The following CLSTN2 variants were observed in gnomAD, a reference collection of about 807,000 sequenced individuals.
CLSTN2 encodes the protein calsyntenin-2.
Under a neutral mutation model 101.2 loss-of-function variants are expected in CLSTN2, and 48 were observed. The ratio of observed to expected loss-of-function variants is 0.47; its 90% CI spans 0.38 to 0.60. The LOEUF is 0.60. Ranked by LOEUF, CLSTN2 falls within the 20% of genes least tolerant of loss-of-function variation. The pLI is 0.00. For synonymous variants in CLSTN2, 481 were observed against 463.6 expected (o/e 1.04, Z -0.48); for missense variants, 1,160 against 1,238.2 (o/e 0.94, Z 0.95).
At chr3:140,513,401 G>A (rs1934852928) in intron 8 of CLSTN2, among the ~76,000 whole-genome samples, 1 of 152,042 alleles carries the variant, frequency 6.6e-6, no homozygotes, top group African/African-American at 2.4e-5. Context: ...TTTATGTGAT[G>A]AATCACATTT....
chr3:140,346,079 A>T (rs2087543763), intron 2 of CLSTN2, among the ~76,000 whole-genome samples: 1 of 152,188 alleles, frequency 6.6e-6, no homozygotes, highest in Non-Finnish European at 1.5e-5. Context: ...AATATGAGAT[A>T]TGGCAGGGGG....
At chr3:140,143,568 C>T (rs148688014) in intron 1 of CLSTN2, among the ~76,000 whole-genome samples, 10 of 152,290 alleles carry the variant, frequency 6.6e-5, no homozygotes, top group South Asian at 2.1e-4. Flanking sequence ...TAATGGTTTA[C>T]GAGCTATCTG....
At chr3:139,992,706 G>C (rs909821120) in intron 1 of CLSTN2, among the ~76,000 whole-genome samples, 1 of 152,172 alleles carries the variant, frequency 6.6e-6, no homozygotes, top group South Asian at 2.1e-4. Context: ...ACATGGGAGT[G>C]TGAAACAAGA....
chr3:140,509,197 T>C (rs1301530756), intron 8 of CLSTN2, among the ~76,000 whole-genome samples: 1 of 152,190 alleles, frequency 6.6e-6, no homozygotes, highest in East Asian at 1.9e-4. Flanking sequence ...GTCCCTGAGA[T>C]AGCCATAGGT....
chr3:140,230,796 G>A (rs937544124), intron 2 of CLSTN2, among the ~76,000 whole-genome samples: 1 of 152,122 alleles, frequency 6.6e-6, no homozygotes, highest in Non-Finnish European at 1.5e-5. Flanking sequence ...CACCACCTTT[G>A]GACATCATAT....
chr3:140,171,880 A>G (rs1233726078), intron 1 of CLSTN2, among the ~76,000 whole-genome samples: 40 of 122,346 alleles, frequency 3.3e-4, no homozygotes, highest in Non-Finnish European at 6.3e-4. Context: ...TATATAATAT[A>G]TATATTATAT....
At chr3:140,231,601 C>T (rs2086372541) in intron 2 of CLSTN2, among the ~76,000 whole-genome samples, 1 of 152,166 alleles carries the variant, frequency 6.6e-6, no homozygotes, top group Non-Finnish European at 1.5e-5. Context: ...CTGTATTCCT[C>T]TCAACTGGTT....
chr3:140,129,195 T>G (rs2009483792), intron 1 of CLSTN2, among the ~76,000 whole-genome samples: 2 of 151,970 alleles, frequency 1.3e-5, no homozygotes, highest in Admixed American at 1.3e-4. Flanking sequence ...TATTTCAAAC[T>G]AATTATGGGC....
intron 2 of CLSTN2, among the ~76,000 whole-genome samples, chr3:140,291,388 T>A (rs1303730045): frequency 6.6e-6 from 1 of 151,790 alleles, no homozygotes; most frequent in African/African-American, 2.4e-5. Flanking sequence ...AGATAAGTGC[T>A]TCCCCTCCCC....
At chr3:140,115,384 T>C (rs1409773829) in intron 1 of CLSTN2, among the ~76,000 whole-genome samples, 2 of 151,860 alleles carry the variant, frequency 1.3e-5, no homozygotes, top group African/African-American at 4.8e-5. Flanking sequence ...GCCTATTCCT[T>C]GCTTGGAGTG....
intron 1 of CLSTN2, among the ~76,000 whole-genome samples, chr3:140,021,042 G>T (rs1183705982): frequency 6.6e-6 from 1 of 151,796 alleles, no homozygotes; most frequent in Admixed American, 6.6e-5. Flanking sequence ...ACAAAACAAA[G>T]AAAAAAACTA....
intron 5 of CLSTN2, among the ~76,000 whole-genome samples, chr3:140,444,890 G>A (rs975916963): frequency 6.6e-6 from 1 of 152,186 alleles, no homozygotes; most frequent in African/African-American, 2.4e-5. Flanking sequence ...AGATGAGGAG[G>A]GACAGACATT....
At chr3:140,206,353 C>A (rs948547361) in intron 2 of CLSTN2, among the ~76,000 whole-genome samples, 2 of 152,192 alleles carry the variant, frequency 1.3e-5, no homozygotes, top group African/African-American at 4.8e-5. Context: ...CTCAGCTCAA[C>A]CTCCCCTAGC....
intron 2 of CLSTN2, among the ~76,000 whole-genome samples, chr3:140,205,659 T>A (rs2010773572): frequency 8.1e-6 from 1 of 123,916 alleles, no homozygotes; most frequent in South Asian, 2.9e-4. Flanking sequence ...GCTATGCATG[T>A]TCACAATTAC....
intron 2 of CLSTN2, among the ~76,000 whole-genome samples, chr3:140,274,313 G>T (rs949277042): frequency 3.3e-5 from 5 of 152,152 alleles, no homozygotes; most frequent in African/African-American, 1.2e-4. Context: ...AGCTCTGACT[G>T]AGGACAACCT....
intron 1 of CLSTN2, among the ~76,000 whole-genome samples, chr3:140,157,830 T>C (rs966327385): frequency 6.6e-6 from 1 of 152,222 alleles, no homozygotes; most frequent in Non-Finnish European, 1.5e-5. Context: ...AAGTAAGCTT[T>C]ATTCCTGGGA....
chr3:140,526,644 A>AACAACAAC (rs1491120497), intron 8 of CLSTN2, among the ~76,000 whole-genome samples: 1 of 105,452 alleles, frequency 9.5e-6, no homozygotes, highest in East Asian at 4.2e-4. Context: ...CAACAACAAC[A>AACAACAAC]AAAAAAAAAC....
chr3:140,367,323 G>A (rs1434114973), intron 2 of CLSTN2, among the ~76,000 whole-genome samples: 1 of 151,972 alleles, frequency 6.6e-6, no homozygotes. Context: ...GACCATCGTG[G>A]CCAGTATGGT....
rs534510004 is a variant in CLSTN2, at chr3:140,464,578, G to A, written c.1223-2032G>A. Among the ~76,000 whole-genome samples, 19 of 152,320 alleles carry A rather than the reference G, an allele frequency of 1.2e-4. No homozygotes were observed. In the South Asian group the frequency reaches 1.5e-3, roughly 12 times the overall value. On this transcript the variant is annotated intron_variant, in intron 7 of 16. Coordinates refer to ENST00000458420, the MANE Select transcript of CLSTN2 (RefSeq NM_022131.3). Reference sequence around the variant, plus strand: ...ATTCAGAGAAAGGGAGTAGAAGGAGGAAGAAACTTCCCAGGCTAGAAGCTG... The same window carrying A: ...ATTCAGAGAAAGGGAGTAGAAGGAGAAAGAAACTTCCCAGGCTAGAAGCTG...
Sources: gnomAD v4.1 joint callset for allele counts (sites outside exome capture counted in the v4.1 genomes callset) on GRCh38, gnomAD v4.1.1 for gene constraint, MANE v1.5 for transcripts, NCBI Gene and HGNC (gene_info 2026-07-23, HGNC 2026-07-21) for gene names.